BTAF1: variants seen among roughly 807,000 people sequenced by gnomAD.
The protein encoded by BTAF1 is TATA-binding protein-associated factor 172.
BTAF1 carries 38 observed loss-of-function variants against 227.1 expected under a neutral mutation model. The ratio of observed to expected loss-of-function variants is 0.17; its 90% CI spans 0.13 to 0.22. The LOEUF is 0.22. Among genes scored for constraint, BTAF1 ranks in the 10% least tolerant of loss-of-function variants. The pLI, the probability that BTAF1 is intolerant of heterozygous loss-of-function variation, is 1.00. For missense variants in BTAF1, 1,598 were observed against 2,204.0 expected (o/e 0.73, Z 5.51); for synonymous variants, 742 against 751.9 (o/e 0.99, Z 0.21).
intron 12 of BTAF1, 103 bp downstream of exon 12, chr10:91,962,781 ATTTT>A: frequency 1.1e-6 from 1 of 915,014 alleles, no homozygotes; most frequent in Non-Finnish European, 1.5e-6. Flanking sequence ...TTCATCTTCA[ATTTT>A]TTTTTTTAAC....
rs141235186 is a variant in BTAF1, at chr10:91,956,021, T to C, written c.702-507T>C. 2.6e-3 allele frequency among the ~76,000 whole-genome samples: 392 copies of C among 152,334 alleles called. 3 individuals are homozygous for C. The highest frequency in any genetic ancestry group is 6.8e-3 in the Middle Eastern group (2 of 294). The stretch of plus-strand genomic sequence containing the variant: ...AGTATTAGGCTAGCCTCAAAATTTT[T>C]GGTCTTTAAGTCATAATAGAACATT... On this transcript the variant is annotated intron_variant, in intron 6 of 37. Coordinates refer to ENST00000265990, the MANE Select transcript of BTAF1 (RefSeq NM_003972.3).
intron 15 of BTAF1, among the ~76,000 whole-genome samples, chr10:91,981,358 TACTG>T (rs1314790860): frequency 2.6e-5 from 4 of 152,214 alleles, no homozygotes; most frequent in Non-Finnish European, 5.9e-5. Flanking sequence ...TTCAGTGACT[TACTG>T]AGATTTTGAC....
chr10:92,023,603 G>A (rs1057017092), intron 34 of BTAF1, among the ~76,000 whole-genome samples: 2 of 152,114 alleles, frequency 1.3e-5, no homozygotes, highest in Non-Finnish European at 2.9e-5. Flanking sequence ...AGAATATCTC[G>A]AACCTAGGAG....
chr10:91,991,271 A>ATATAT (rs1564699914), intron 20 of BTAF1, among the ~76,000 whole-genome samples: 1,312 of 66,168 alleles, frequency 0.02, 89 homozygotes, highest in Non-Finnish European at 0.037. Flanking sequence ...TATAAATATA[A>ATATAT]ATATATATAT....
chr10:91,964,484 G>C (rs375942094), intron 13 of BTAF1, among the ~76,000 whole-genome samples: 1 of 151,954 alleles, frequency 6.6e-6, no homozygotes, highest in African/African-American at 2.4e-5. Flanking sequence ...TCATTGAATA[G>C]TATTTCCAGT....
chr10:91,930,920 C>T (rs929872341), intron 1 of BTAF1, among the ~76,000 whole-genome samples: 2 of 152,100 alleles, frequency 1.3e-5, no homozygotes, highest in African/African-American at 2.4e-5. Flanking sequence ...GTTGACCTTT[C>T]CTAATTTATC....
Position 91,923,985 on chromosome 10 carries a change from C to CCTGGGCCTGCGCCGCTCAGCTCT in BTAF1, c.-87_-65dup. ...CCGGCCGCTCCCCTGTGCTCCGCGG[C>CCTGGGCCTGCGCCGCTCAGCTCT]CTGGGCCTGCGCCGCTCAGCTCTCT... On this transcript the variant is annotated 5_prime_UTR_variant, in exon 1 of 38. It removes the in-frame stop codon of an upstream open reading frame in the 5' UTR. Coordinates refer to ENST00000265990, the MANE Select transcript of BTAF1 (RefSeq NM_003972.3). 6.7e-7 allele frequency: 1 copy of CCTGGGCCTGCGCCGCTCAGCTCT among 1,485,256 alleles called. No individual in the cohort carries two copies. Among genetic ancestry groups the CCTGGGCCTGCGCCGCTCAGCTCT allele is most frequent in the Non-Finnish European group, 9.0e-7 (1 of 1,115,840 alleles). 92.0% of individuals were successfully genotyped at this position (1,485,256 alleles called of 1,614,324 possible).
chr10:91,951,101 C>T (rs1845740185), intron 4 of BTAF1, among the ~76,000 whole-genome samples: 1 of 152,100 alleles, frequency 6.6e-6, no homozygotes, highest in South Asian at 2.1e-4. Flanking sequence ...GCTGGGATTA[C>T]AGGTGTGAGC....
rs1047546535 is a variant in BTAF1, at chr10:91,926,274, A to AT, written c.14+2190dup. ...CATATGCTAAAATCAAATCTAAAAT[A>AT]TTTTTTGCACTGTTTATTTCATATG... On this transcript the variant is annotated intron_variant, in intron 1 of 37. Transcript: ENST00000265990. 2.6e-5 allele frequency among the ~76,000 whole-genome samples: 4 copies of AT among 152,230 alleles called. No individual in the cohort carries two copies. In the East Asian group the frequency reaches 5.8e-4, roughly 22 times the overall value.
chr10:91,956,776 G>C (rs1428949416), intron 7 of BTAF1, 119 bp downstream of exon 7: 2 of 1,108,658 alleles, frequency 1.8e-6, no homozygotes, highest in African/African-American at 3.2e-5. Flanking sequence ...TTATCACGAG[G>C]TCAGGAGCTT....
chr10:91,981,628 C>T lies in BTAF1; in HGVS notation c.1756-15C>T. The T allele has an allele frequency of 6.4e-7, 1 of 1,574,118 alleles. No individual in the cohort carries two copies. Among genetic ancestry groups the T allele is most frequent in the South Asian group, 1.2e-5 (1 of 83,920 alleles). On this transcript the variant is annotated splice_polypyrimidine_tract_variant and intron_variant, in intron 15 of 37. Coordinates refer to ENST00000265990, the MANE Select transcript of BTAF1 (RefSeq NM_003972.3). ...TAGAAAAAATTCACTTTCATGTCCC[C>T]CTTTTACCCTGCAGGTTTGGATGGA...
chr10:92,027,049 A>G (rs1004979882), intron 36 of BTAF1, 81 bp from the exon 37 acceptor site: 18 of 1,398,072 alleles, frequency 1.3e-5, no homozygotes, highest in Non-Finnish European at 1.8e-5. Context: ...ATAAAATAGT[A>G]CAAGTCTACA....
In BTAF1 at chr10:92,016,274, G is replaced by A. The variant is rs567414523; in HGVS notation, c.4585-66G>A. On this transcript the variant is annotated intron_variant, in intron 32 of 37. Coordinates refer to ENST00000265990, the MANE Select transcript of BTAF1 (RefSeq NM_003972.3). Reference sequence around the variant, plus strand: ...TTACTGCTGTTATTGGCCTTTGCTGGTTATGTGTTTTGAACAATTGAAAAT... The same window carrying A: ...TTACTGCTGTTATTGGCCTTTGCTGATTATGTGTTTTGAACAATTGAAAAT... 928 of 1,541,944 alleles carry A rather than the reference G, an allele frequency of 6.0e-4. 2 individuals carry two copies. Among genetic ancestry groups the A allele is most frequent in the Non-Finnish European group, 7.4e-4 (856 of 1,154,608 alleles).
At chr10:92,020,516 T>G (rs1851052714) in intron 34 of BTAF1, among the ~76,000 whole-genome samples, 1 of 152,216 alleles carries the variant, frequency 6.6e-6, no homozygotes, top group Admixed American at 6.5e-5. Context: ...TGAGAACAAC[T>G]AATGAATGAA....
chr10:91,946,845 CT>C (rs199630530), intron 4 of BTAF1, among the ~76,000 whole-genome samples: 108 of 144,030 alleles, frequency 7.5e-4, no homozygotes, highest in East Asian at 8.0e-4. Context: ...TTTTTCTTTT[CT>C]TTTTTTTTTT....
At chr10:91,973,188 G>A (rs1473032908) in intron 14 of BTAF1, among the ~76,000 whole-genome samples, 1 of 152,078 alleles carries the variant, frequency 6.6e-6, no homozygotes, top group East Asian at 1.9e-4. Context: ...TTTTATCACT[G>A]TTGTTACCCC....
chr10:91,954,818 A>G (rs1401087606), intron 6 of BTAF1, among the ~76,000 whole-genome samples: 1 of 152,158 alleles, frequency 6.6e-6, no homozygotes, highest in African/African-American at 2.4e-5. Flanking sequence ...TCGGCCTCCC[A>G]AAGTGTCGGG....
Position 91,989,246 on chromosome 10 carries a change from G to A in BTAF1, c.2520G>A (p.Met840Ile). ...ATAGTAAACGACAGCAGGTCCAAAT[G>A]ACAGTTACAGAGACCAACCAGGAGT... Reference protein sequence around the residue: ...QLDSKRQQVQMTVTETNQEWQ... With the variant: ...QLDSKRQQVQITVTETNQEWQ... Residue 840 changes from methionine (M) to isoleucine (I), a missense_variant, in exon 20 of 38, where the codon ATG (methionine) becomes ATA (isoleucine). Physicochemically the swap from Met to Ile is conservative, Grantham distance 10. Transcript: ENST00000265990. 1 of 1,614,128 alleles carries A rather than the reference G, an allele frequency of 6.2e-7. No individual in the cohort carries two copies. The highest frequency in any genetic ancestry group is 1.3e-5 in the African/African-American group (1 of 75,018).
intron 34 of BTAF1, among the ~76,000 whole-genome samples, chr10:92,023,275 T>A (rs1460840843): frequency 1.3e-5 from 2 of 152,234 alleles, no homozygotes; most frequent in Non-Finnish European, 2.9e-5. Context: ...TACAACATCC[T>A]AAGTGTTTTA....
Sources: gnomAD v4.1 joint callset for allele counts (sites outside exome capture counted in the v4.1 genomes callset) on GRCh38, gnomAD v4.1.1 for gene constraint, MANE v1.5 for transcripts, NCBI Gene and HGNC (gene_info 2026-07-23, HGNC 2026-07-21) for gene names.